Variants in TLL2 observed in about 807,000 individuals in gnomAD.
TLL2 encodes the protein tolloid-like protein 2.
In TLL2, 106 loss-of-function variants were observed where a neutral mutation model predicts 123.0. The observed-to-expected ratio is 0.86, with a 90% CI of 0.74 to 1.01. The LOEUF (loss-of-function observed/expected upper bound fraction) is 1.01, where lower values mean the gene tolerates loss of function less well. Ranked by LOEUF, TLL2 falls within the 50% of genes least tolerant of loss-of-function variation. TLL2 has a pLI of 0.00. For missense variants in TLL2, 1,332 were observed against 1,336.7 expected (o/e 1.00, Z 0.06); for synonymous variants, 494 against 516.8 (o/e 0.96, Z 0.60).
intron 2 of TLL2, among the ~76,000 whole-genome samples, chr10:96,463,768 C>G (rs1201922013): frequency 6.6e-6 from 1 of 152,246 alleles, no homozygotes; most frequent in East Asian, 1.9e-4. Context: ...CACGGCCCCA[C>G]ATGGGAAGTG....
At chr10:96,473,764 G>A (rs1205419254) in intron 2 of TLL2, among the ~76,000 whole-genome samples, 1 of 152,182 alleles carries the variant, frequency 6.6e-6, no homozygotes, top group Non-Finnish European at 1.5e-5. Context: ...ATCAGATCCA[G>A]ATTTCCTTTT....
chr10:96,368,637 T>C (rs1477557096), intron 20 of TLL2, among the ~76,000 whole-genome samples: 4 of 152,204 alleles, frequency 2.6e-5, no homozygotes, highest in African/African-American at 7.2e-5. Flanking sequence ...CAGTAAAGGA[T>C]GCACCATGAA....
chr10:96,397,267 C>T lies in TLL2; in HGVS notation c.1303G>A (p.Val435Ile), dbSNP rs1324584580. ...ACCCAGAGCCGGCTGTCCGTGGAGACGAGGGGCTCCGGGATCTTATCGCCA... is the reference window on the plus strand; with the variant it reads ...ACCCAGAGCCGGCTGTCCGTGGAGATGAGGGGCTCCGGGATCTTATCGCCA... ...FCGDKIPEPL[V>I]STDSRLWVEF... is the part of the protein sequence containing the mutation. Residue 435 changes from valine to isoleucine, a missense_variant, in exon 11 of 21, where the codon GTC becomes ATC. Transcript: ENST00000357947. 12 of 1,613,624 alleles carry T rather than the reference C, an allele frequency of 7.4e-6. No individual in the cohort carries two copies. Among genetic ancestry groups the T allele is most frequent in the South Asian group, 1.1e-5 (1 of 91,018 alleles).
In TLL2 at chr10:96,403,842, T is replaced by C. The variant is rs56372596; in HGVS notation, c.1267+1390A>G. On this transcript the variant is annotated intron_variant, in intron 10 of 20. Coordinates refer to ENST00000357947, the MANE Select transcript of TLL2 (RefSeq NM_012465.4). Reference sequence around the variant, plus strand: ...TTCAATTCTGAGATAGGAGAAAAACTGCCCTGTGGTGGGAGGCAAGATATG... The same window carrying C: ...TTCAATTCTGAGATAGGAGAAAAACCGCCCTGTGGTGGGAGGCAAGATATG... Among the ~76,000 whole-genome samples, 1,223 of 150,940 alleles carry C rather than the reference T, an allele frequency of 8.1e-3. 6 individuals are homozygous for C. The highest frequency in any genetic ancestry group is 0.021 in the Middle Eastern group (6 of 292).
intron 1 of TLL2, among the ~76,000 whole-genome samples, chr10:96,483,957 C>A (rs1847335238): frequency 6.6e-6 from 1 of 152,218 alleles, no homozygotes; most frequent in Non-Finnish European, 1.5e-5. Context: ...ATTCTCGTTC[C>A]TCTACCTCCC....
chr10:96,449,037 A>G (rs1846927971), intron 2 of TLL2, among the ~76,000 whole-genome samples: 2 of 152,226 alleles, frequency 1.3e-5, no homozygotes, highest in Admixed American at 1.3e-4. Context: ...GAGGGGGGAA[A>G]GAATTAGTGT....
At chr10:96,376,892 G>GA in intron 17 of TLL2, 73 bp from the exon 18 acceptor site, 1 of 1,433,702 alleles carries the variant, frequency 7.0e-7, no homozygotes, top group Non-Finnish European at 9.1e-7. Context: ...GATTCTAGGG[G>GA]GGTCTCCTCC....
At chr10:96,500,986 G>A (rs551311794) in intron 1 of TLL2, among the ~76,000 whole-genome samples, 1 of 152,256 alleles carries the variant, frequency 6.6e-6, no homozygotes, top group African/African-American at 2.4e-5. Context: ...ATGGTACTAA[G>A]TGAAATTCAA....
At chr10:96,497,172 C>T (rs577215756) in intron 1 of TLL2, among the ~76,000 whole-genome samples, 1 of 152,048 alleles carries the variant, frequency 6.6e-6, no homozygotes, top group East Asian at 1.9e-4. Context: ...CGCCTGTAAT[C>T]CCAGCTACTC....
chr10:96,405,309 T>C lies in TLL2; in HGVS notation c.1190A>G (p.Asp397Gly), dbSNP rs550779151. The change falls in exon 10 of 21, where the codon GAT becomes GGT. Residue 397 changes from aspartate (D) to glycine (G), a missense_variant. Coordinates refer to ENST00000357947, the MANE Select transcript of TLL2 (RefSeq NM_012465.4). ...EKIVLNFTSM[D>G]LFKSRLCWYD... ...CCAGCACAGTCGGCTTTTAAACAAA[T>C]CCATGGATGTGAAGTTTAATACGAT... 152 of 1,614,138 alleles carry C rather than the reference T, an allele frequency of 9.4e-5. 2 individuals carry two copies. The South Asian group carries it at 1.6e-3, about 17-fold the overall frequency.
intron 19 of TLL2, among the ~76,000 whole-genome samples, chr10:96,372,753 G>A (rs990210841): frequency 2.6e-5 from 4 of 152,186 alleles, no homozygotes; most frequent in East Asian, 1.9e-4. Flanking sequence ...GTGCAGTGGC[G>A]TGATCAGAGC....
intron 9 of TLL2, among the ~76,000 whole-genome samples, chr10:96,407,842 T>C (rs1160680346): frequency 6.6e-6 from 1 of 151,028 alleles, no homozygotes; most frequent in Non-Finnish European, 1.5e-5. Context: ...TGCATGCATG[T>C]GTGAGCATGT....
chr10:96,434,945 G>A (rs536188992), intron 3 of TLL2, among the ~76,000 whole-genome samples: 1 of 151,784 alleles, frequency 6.6e-6, no homozygotes, highest in South Asian at 2.1e-4. Flanking sequence ...TAATGATGTT[G>A]AACATCTCTT....
intron 1 of TLL2, among the ~76,000 whole-genome samples, chr10:96,509,550 T>A (rs1847607938): frequency 6.6e-6 from 1 of 152,234 alleles, no homozygotes; most frequent in Non-Finnish European, 1.5e-5. Context: ...CCTCCCTGTC[T>A]CATTCCTCCT....
Position 96,365,526 on chromosome 10 carries a change from A to G in TLL2, c.*2562T>C, listed in dbSNP as rs1163727688. On this transcript the variant is annotated 3_prime_UTR_variant, in exon 21 of 21. Transcript: ENST00000357947. ...AAAACTATTCTTGCAACTCACTGTC[A>G]TCCCCAAAGCTTGGTACCCAATTAA... The G allele has an allele frequency of 6.6e-6, 1 of 152,258 alleles. No individual in the cohort carries two copies. The highest frequency in any genetic ancestry group is 1.5e-5 in the Non-Finnish European group (1 of 68,046). The allele number at this position is 152,258 out of a possible 1,614,324, so 9.4% of individuals were successfully genotyped here.
At chr10:96,456,091 G>C (rs1002584033) in intron 2 of TLL2, among the ~76,000 whole-genome samples, 1 of 152,198 alleles carries the variant, frequency 6.6e-6, no homozygotes, top group Non-Finnish European at 1.5e-5. Flanking sequence ...TGAGAGAAGT[G>C]AGGATTAGGT....
intron 7 of TLL2, among the ~76,000 whole-genome samples, chr10:96,418,572 T>G (rs1329243528): frequency 6.6e-6 from 1 of 152,050 alleles, no homozygotes; most frequent in East Asian, 1.9e-4. Context: ...GAATACCTAC[T>G]AGGTGCCAGG....
In TLL2 at chr10:96,367,990, G is replaced by A; in HGVS notation, c.*98C>T. The A allele has an allele frequency of 7.0e-7, 1 of 1,436,470 alleles. No homozygotes were observed. 89.0% of individuals were successfully genotyped at this position (1,436,470 alleles called of 1,614,324 possible). A position where few individuals can be genotyped will look rare whatever the true frequency, so the allele number is the denominator to read the frequency against. ...TGAGTTTTTGTTTGAGAAAAATACTGTACACTGTTTTAGGGCAGATTTTCA... is the reference window on the plus strand; with the variant it reads ...TGAGTTTTTGTTTGAGAAAAATACTATACACTGTTTTAGGGCAGATTTTCA... On this transcript the variant is annotated 3_prime_UTR_variant, in exon 21 of 21. Coordinates refer to ENST00000357947, the MANE Select transcript of TLL2 (RefSeq NM_012465.4).
chr10:96,423,412 A>G (rs1846645919), intron 5 of TLL2, among the ~76,000 whole-genome samples: 1 of 152,206 alleles, frequency 6.6e-6, no homozygotes, highest in South Asian at 2.1e-4. Context: ...ATGAGTGTCT[A>G]TAATGCATGC....
Sources: gnomAD v4.1 joint callset for allele counts (sites outside exome capture counted in the v4.1 genomes callset) on GRCh38, gnomAD v4.1.1 for gene constraint, MANE v1.5 for transcripts, NCBI Gene and HGNC (gene_info 2026-07-23, HGNC 2026-07-21) for gene names.